The following MED16 variants were observed in gnomAD, a reference collection of about 807,000 sequenced individuals.
MED16 encodes mediator of RNA polymerase II transcription subunit 16.
In MED16, 81 loss-of-function variants were observed where a neutral mutation model predicts 84.4. That is an observed-to-expected ratio of 0.96 (90% CI 0.80 to 1.15). MED16 has a LOEUF of 1.15. Among genes scored for constraint, MED16 ranks in the 50% most tolerant of loss-of-function variants. The pLI is 0.00. For missense variants in MED16, 1,585 were observed against 1,245.9 expected (o/e 1.27, Z -4.10); for synonymous variants, 897 against 552.2 (o/e 1.62, Z -8.76).
At chr19:892,924 GCCCCGC>G (rs2036671398) in intron 1 of MED16, 156 bp downstream of exon 1, 1 of 136,692 alleles carries the variant, frequency 7.3e-6, no homozygotes, top group Admixed American at 7.3e-5. Flanking sequence ...CGCGCCCCGC[GCCCCGC>G]GCCCCGCGCC....
At chr19:890,824 A>T in intron 2 of MED16, 139 bp downstream of exon 2, 1 of 932,846 alleles carries the variant, frequency 1.1e-6, no homozygotes, top group Non-Finnish European at 1.5e-6. Context: ...AGGCTCTCAC[A>T]CAAGTTACAG....
chr19:888,430 A>G (rs967035707), intron 4 of MED16, among the ~76,000 whole-genome samples: 2 of 151,258 alleles, frequency 1.3e-5, no homozygotes, highest in Non-Finnish European at 2.9e-5. Context: ...AAGCTGAGGC[A>G]GGAGAATCGC....
chr19:868,977 C>T, intron 13 of MED16, 31 bp from the exon 14 acceptor site: 1 of 1,514,400 alleles, frequency 6.6e-7, no homozygotes, highest in Non-Finnish European at 8.8e-7. Flanking sequence ...GTGAGGGAGG[C>T]CTGGGCACCA....
chr19:878,177 CG>C (rs199621954), intron 8 of MED16, among the ~76,000 whole-genome samples: 57 of 143,210 alleles, frequency 4.0e-4, no homozygotes, highest in Middle Eastern at 5.4e-3. Context: ...CAATGCCCAC[CG>C]AGCCCAGCCC....
intron 8 of MED16, among the ~76,000 whole-genome samples, chr19:879,388 C>A (rs1398700382): frequency 3.6e-5 from 5 of 137,766 alleles, no homozygotes; most frequent in Admixed American, 1.4e-4. Flanking sequence ...CCGCACATGC[C>A]CCAGCAGCTC....
At chr19:878,034 A>G (rs1423454583) in intron 8 of MED16, among the ~76,000 whole-genome samples, 1 of 93,002 alleles carries the variant, frequency 1.1e-5, no homozygotes, top group African/African-American at 4.3e-5. Context: ...CCCCAGCCCC[A>G]GCCCCACGTG....
chr19:870,672 C>A (rs1349808242), intron 13 of MED16, among the ~76,000 whole-genome samples: 2 of 151,322 alleles, frequency 1.3e-5, no homozygotes, highest in Admixed American at 1.3e-4. Context: ...GAGTTAGGGG[C>A]ACCTAGAAGG....
intron 6 of MED16, among the ~76,000 whole-genome samples, chr19:881,956 G>A (rs748582026): frequency 1.3e-4 from 20 of 152,224 alleles, no homozygotes; most frequent in South Asian, 4.1e-4. Flanking sequence ...ATGGAAACCT[G>A]TGGGCCGGCA....
intron 8 of MED16, among the ~76,000 whole-genome samples, chr19:878,585 C>A (rs1405720672): frequency 9.4e-6 from 1 of 106,876 alleles, no homozygotes; most frequent in African/African-American, 3.7e-5. Flanking sequence ...CATGCCCCAG[C>A]AGCTCACCTT....
chr19:886,823 C>A (rs532903065), intron 4 of MED16, among the ~76,000 whole-genome samples: 3 of 152,276 alleles, frequency 2.0e-5, no homozygotes, highest in South Asian at 2.1e-4. Flanking sequence ...CGCCTATAAT[C>A]CCAGCACTTT....
intron 12 of MED16, 143 bp downstream of exon 12, chr19:871,783 G>C (rs865952663): frequency 6.0e-5 from 14 of 233,170 alleles, no homozygotes; most frequent in African/African-American, 5.0e-4. Flanking sequence ...GAGGGGAGAG[G>C]GGAGAGCGGG....
At chr19:884,588 C>T (rs137926861) in intron 6 of MED16, among the ~76,000 whole-genome samples, 2 of 152,338 alleles carry the variant, frequency 1.3e-5, no homozygotes, top group East Asian at 3.9e-4. Flanking sequence ...CAGCCGCCCA[C>T]ACGCCTGCAG....
chr19:875,412 T>G lies in MED16; in HGVS notation c.1603A>C (p.Lys535Gln). ...CGGGTCACCGTGCAGGGCGACAGCT[T>G]GCAGAGCGAGGCCTTCATGGCCAGG... ...RILAMKASLC[K>Q]LSPCTVTRVC... Residue 535 changes from lysine (K) to glutamine (Q), a missense_variant, in exon 10 of 16, where the codon AAG (lysine) becomes CAG (glutamine). By Grantham distance (53) the Lys-to-Gln change is moderately conservative. Transcript: ENST00000325464. The G allele has an allele frequency of 6.2e-7, 1 of 1,606,750 alleles. No individual in the cohort carries two copies. The highest frequency in any genetic ancestry group is 8.5e-7 in the Non-Finnish European group (1 of 1,179,698).
intron 8 of MED16, among the ~76,000 whole-genome samples, chr19:878,497 A>ACCAGCC (rs2036322304): frequency 7.6e-6 from 1 of 131,928 alleles, no homozygotes; most frequent in African/African-American, 2.9e-5. Context: ...GTCAATGCCC[A>ACCAGCC]CCAGCCCCAG....
intron 10 of MED16, among the ~76,000 whole-genome samples, chr19:874,683 G>C (rs1478111436): frequency 2.0e-5 from 3 of 152,208 alleles, no homozygotes; most frequent in African/African-American, 4.8e-5. Flanking sequence ...GTCAAGACCA[G>C]CCTGGGCAAC....
chr19:885,083 G>A (rs540947781), intron 5 of MED16, 75 bp from the exon 6 acceptor site: 190 of 1,155,284 alleles, frequency 1.6e-4, no homozygotes, highest in South Asian at 1.2e-3. Flanking sequence ...CCTGAGCTGC[G>A]GGACCCTGGG....
At position 868,484 on chromosome 19, in the gene MED16, G is replaced by A. The variant is rs755047145; in HGVS notation, c.2415C>T (p.Thr805=). 9 of 1,610,780 alleles carry A rather than the reference G, an allele frequency of 5.6e-6. No homozygotes were observed. The highest frequency in any genetic ancestry group is 2.2e-5 in the East Asian group (1 of 44,878). The part of the protein sequence containing the change: ...CKACTRCGCV[T]MLKSPNRTTA... Reference sequence around the variant, plus strand: ...TGGTTCTGTTGGGCGACTTGAGCATGGTGACACAGCCGCACCTGCGGGGAG... The same window carrying A: ...TGGTTCTGTTGGGCGACTTGAGCATAGTGACACAGCCGCACCTGCGGGGAG... The change falls in exon 15 of 16, where the codon ACC becomes ACT. Residue 805 remains threonine (T), a synonymous_variant. Coordinates refer to ENST00000325464, the MANE Select transcript of MED16 (RefSeq NM_005481.3).
intron 7 of MED16, among the ~76,000 whole-genome samples, chr19:881,176 G>A (rs1284432796): frequency 5.9e-5 from 9 of 152,174 alleles, no homozygotes; most frequent in African/African-American, 2.2e-4. Flanking sequence ...TGAAGAGTGT[G>A]CAGACTCACT....
Position 873,421 on chromosome 19 carries a change from C to T in MED16, c.1905+28G>A, listed in dbSNP as rs774138988. ...ATGAGATGGGGGCCCAGGTGGGGGG[C>T]GGGGCCTTAGGGGAGAGCATGGCGC... On this transcript the variant is annotated intron_variant, in intron 11 of 15. Transcript: ENST00000325464. 17 of 1,568,934 alleles carry T rather than the reference C, an allele frequency of 1.1e-5. No individual in the cohort carries two copies. In the African/African-American group the frequency reaches 1.2e-4, roughly 11 times the overall value.
Sources: gnomAD v4.1 joint callset for allele counts (sites outside exome capture counted in the v4.1 genomes callset) on GRCh38, gnomAD v4.1.1 for gene constraint, MANE v1.5 for transcripts, NCBI Gene and HGNC (gene_info 2026-07-23, HGNC 2026-07-21) for gene names.